THSD7B: variants seen among roughly 807,000 people sequenced by gnomAD.
THSD7B encodes thrombospondin type-1 domain-containing protein 7B.
In THSD7B, 138 loss-of-function variants were observed where a neutral mutation model predicts 213.6. The ratio of observed to expected loss-of-function variants is 0.65; its 90% CI spans 0.56 to 0.74. The LOEUF is 0.74. Ranked by LOEUF, THSD7B falls within the 30% of genes least tolerant of loss-of-function variation. THSD7B has a pLI of 0.00. For synonymous variants in THSD7B, 742 were observed against 687.0 expected (o/e 1.08, Z -1.25); for missense variants, 1,931 against 1,991.5 (o/e 0.97, Z 0.58).
Position 137,667,759 on chromosome 2 carries a change from C to G in THSD7B, c.4652-15C>G. On this transcript the variant is annotated splice_polypyrimidine_tract_variant and intron_variant, in intron 26 of 27. Transcript: ENST00000409968. ...CTGTATGCTAAGCTTCTTATGTTAT[C>G]TCTATTTTAAACAGATGGCCGAGTA... is the stretch of plus-strand genomic sequence containing the variant. 2 of 1,589,988 alleles carry G rather than the reference C, an allele frequency of 1.3e-6. No homozygotes were observed. The highest frequency in any genetic ancestry group is 1.7e-6 in the Non-Finnish European group (2 of 1,166,222).
chr2:137,497,118 A>G (rs1015773752), intron 15 of THSD7B, among the ~76,000 whole-genome samples: 1 of 152,098 alleles, frequency 6.6e-6, no homozygotes, highest in African/African-American at 2.4e-5. Flanking sequence ...ATGCAGGCAA[A>G]GACTTCCAGA....
At position 137,311,059 on chromosome 2, in the gene THSD7B, G is replaced by C. The variant is rs1194766189; in HGVS notation, c.2500+35033G>C. 6.0e-5 allele frequency among the ~76,000 whole-genome samples: 9 copies of C among 151,008 alleles called. No individual in the cohort carries two copies. In the Admixed American group the frequency reaches 6.0e-4, roughly 10 times the overall value. On this transcript the variant is annotated intron_variant, in intron 12 of 27. Transcript: ENST00000409968. The stretch of plus-strand genomic sequence containing the variant: ...CTGTGAAGAAAGTCATTGGTAGCTT[G>C]ATGGGGATGGCATTGAATCTGTAAA...
intron 13 of THSD7B, among the ~76,000 whole-genome samples, chr2:137,409,200 G>T (rs754291903): frequency 6.6e-6 from 1 of 152,214 alleles, no homozygotes; most frequent in Non-Finnish European, 1.5e-5. Context: ...TGACTGCAAT[G>T]TGGTGGACAG....
chr2:137,316,176 G>A (rs544224653), intron 12 of THSD7B, among the ~76,000 whole-genome samples: 29 of 152,296 alleles, frequency 1.9e-4, no homozygotes, highest in Middle Eastern at 3.4e-3. Context: ...AGAAGTTATG[G>A]CCTTTGCCTA....
intron 12 of THSD7B, among the ~76,000 whole-genome samples, chr2:137,286,393 T>C (rs1311239692): frequency 6.6e-6 from 1 of 152,160 alleles, no homozygotes; most frequent in Non-Finnish European, 1.5e-5. Flanking sequence ...GATGTCATTA[T>C]AGTCTATCAA....
chr2:137,011,482 C>A (rs1021964887), intron 2 of THSD7B, among the ~76,000 whole-genome samples: 1 of 152,246 alleles, frequency 6.6e-6, no homozygotes, highest in East Asian at 1.9e-4. Flanking sequence ...CATCTCTGAC[C>A]TGCACCTACT....
In THSD7B at chr2:137,057,099, A is replaced by C; in HGVS notation, c.819A>C (p.Ser273=). 6.2e-7 allele frequency: 1 copy of C among 1,614,012 alleles called. No individual in the cohort carries two copies. Among genetic ancestry groups the C allele is most frequent in the Non-Finnish European group, 8.5e-7 (1 of 1,179,894 alleles). Residue 273 remains serine, a synonymous_variant, in exon 3 of 28, where the codon TCA becomes TCC. Coordinates refer to ENST00000409968, the MANE Select transcript of THSD7B (RefSeq NM_001316349.2). ...CTGTTCTGGATTTTAACTCTGATTC[A>C]AATGAGCGAGTCACCTTTAAACATC... ...GRTVLDFNSD[S]NERVTFKHQS...
intron 12 of THSD7B, among the ~76,000 whole-genome samples, chr2:137,306,530 C>T (rs1442824853): frequency 6.6e-6 from 1 of 152,042 alleles, no homozygotes; most frequent in African/African-American, 2.4e-5. Flanking sequence ...CATCATTATT[C>T]TCATCGTCAT....
At chr2:137,285,881 A>G (rs1254735469) in intron 12 of THSD7B, among the ~76,000 whole-genome samples, 2 of 152,004 alleles carry the variant, frequency 1.3e-5, no homozygotes, top group African/African-American at 4.8e-5. Flanking sequence ...AGGTGGGCGG[A>G]TCACCTGAGG....
At chr2:137,398,538 C>A (rs925086012) in intron 12 of THSD7B, among the ~76,000 whole-genome samples, 1 of 151,790 alleles carries the variant, frequency 6.6e-6, no homozygotes, top group East Asian at 1.9e-4. Flanking sequence ...TCTCCAGCTG[C>A]GTGCTGGGAG....
chr2:137,068,161 G>T (rs71419512), intron 3 of THSD7B, among the ~76,000 whole-genome samples: 14,223 of 152,004 alleles, frequency 0.094, 890 homozygotes, highest in African/African-American at 0.18. Flanking sequence ...AAGGGTTATT[G>T]ATTTTCAGAT....
chr2:137,315,092 G>A (rs536607968), intron 12 of THSD7B, among the ~76,000 whole-genome samples: 16 of 152,272 alleles, frequency 1.1e-4, no homozygotes, highest in South Asian at 4.1e-4. Flanking sequence ...AATGGCGGGC[G>A]CCCCTCCCCC....
At chr2:137,565,564 C>G (rs1257691849) in intron 16 of THSD7B, among the ~76,000 whole-genome samples, 1 of 152,156 alleles carries the variant, frequency 6.6e-6, no homozygotes, top group Non-Finnish European at 1.5e-5. Flanking sequence ...TTAAAGGCCT[C>G]ACGTCTTGGT....
chr2:137,634,571 C>G (rs1281936095), intron 20 of THSD7B, among the ~76,000 whole-genome samples: 12 of 152,062 alleles, frequency 7.9e-5, no homozygotes, highest in Admixed American at 7.9e-4. Context: ...CCAAATTGGC[C>G]AGAGCTACCA....
chr2:137,089,585 C>T (rs1272214771), intron 3 of THSD7B, among the ~76,000 whole-genome samples: 1 of 151,910 alleles, frequency 6.6e-6, no homozygotes, highest in Non-Finnish European at 1.5e-5. Flanking sequence ...CATATGTCCT[C>T]ACTCATAAGT....
At chr2:136,921,408 C>A (rs1257712366) in intron 2 of THSD7B, among the ~76,000 whole-genome samples, 1 of 151,930 alleles carries the variant, frequency 6.6e-6, no homozygotes, top group Admixed American at 6.6e-5. Flanking sequence ...GGACTACAGA[C>A]ACACACCATT....
At chr2:137,451,721 A>G (rs996562401) in intron 15 of THSD7B, among the ~76,000 whole-genome samples, 1 of 152,136 alleles carries the variant, frequency 6.6e-6, no homozygotes, top group Admixed American at 6.5e-5. Context: ...ATTATAATAA[A>G]GAACTCAAAT....
At chr2:136,907,134 G>A (rs550175679) in intron 2 of THSD7B, among the ~76,000 whole-genome samples, 1 of 151,430 alleles carries the variant, frequency 6.6e-6, no homozygotes, top group Non-Finnish European at 1.5e-5. Context: ...TAGTAGAAAC[G>A]GGATTTCGCC....
intron 2 of THSD7B, among the ~76,000 whole-genome samples, chr2:137,006,968 G>A (rs1464139091): frequency 6.6e-6 from 1 of 152,150 alleles, no homozygotes; most frequent in Non-Finnish European, 1.5e-5. Flanking sequence ...AATGATAAAA[G>A]TGTGCATTTT....
Sources: allele counts gnomAD v4.1 joint callset (sites outside exome capture counted in the v4.1 genomes callset), GRCh38; gene constraint gnomAD v4.1.1; transcripts MANE v1.5; gene names NCBI Gene and HGNC (gene_info 2026-07-23, HGNC 2026-07-21).